The following UNC13C variants were observed in gnomAD, a reference collection of about 807,000 sequenced individuals.
UNC13C encodes the protein protein unc-13 homolog C.
Under a neutral mutation model 245.4 loss-of-function variants are expected in UNC13C, and 174 were observed. The ratio of observed to expected loss-of-function variants is 0.71; its 90% CI spans 0.63 to 0.80. The LOEUF is 0.80. Ranked by LOEUF, UNC13C falls within the 30% of genes least tolerant of loss-of-function variation. The pLI is 0.00. For missense variants in UNC13C, 2,829 were observed against 2,602.9 expected (o/e 1.09, Z -1.89); for synonymous variants, 992 against 895.1 (o/e 1.11, Z -1.93).
Position 54,118,756 on chromosome 15 carries a change from C to T in UNC13C, c.2984-24262C>T, listed in dbSNP as rs544266620. Among the ~76,000 whole-genome samples, 320 of 152,024 alleles carry T rather than the reference C, an allele frequency of 2.1e-3. 2 individuals carry two copies. Among genetic ancestry groups the T allele is most frequent in the Non-Finnish European group, 3.9e-3 (264 of 67,954 alleles). On this transcript the variant is annotated intron_variant, in intron 2 of 32. Coordinates refer to ENST00000260323, the MANE Select transcript of UNC13C (RefSeq NM_001080534.3). ...GAAACGCTTTTAATTTTTCCCTGTT[C>T]TGTATGTTAGCTATGTGTTTGTCAT... is the stretch of plus-strand genomic sequence containing the variant.
At chr15:54,058,935 T>C (rs1897669280) in intron 2 of UNC13C, among the ~76,000 whole-genome samples, 1 of 152,124 alleles carries the variant, frequency 6.6e-6, no homozygotes, top group East Asian at 1.9e-4. Flanking sequence ...AAACTCTCAA[T>C]AAATTAGGTA....
chr15:54,391,245 A>T (rs1439156877), intron 17 of UNC13C, among the ~76,000 whole-genome samples: 1 of 152,090 alleles, frequency 6.6e-6, no homozygotes, highest in African/African-American at 2.4e-5. Context: ...ATAATTAATG[A>T]TAGTGTTCTA....
the UNC13C span, among the ~76,000 whole-genome samples, chr15:53,936,877 G>A: frequency 2.0e-5 from 3 of 152,262 alleles, no homozygotes; most frequent in East Asian, 1.9e-4. Context: ...CCCATTCTGT[G>A]GTCAGCAACC....
At chr15:54,209,164 G>A (rs988067947) in intron 4 of UNC13C, among the ~76,000 whole-genome samples, 22 of 152,116 alleles carry the variant, frequency 1.4e-4, no homozygotes, top group Non-Finnish European at 2.6e-4. Context: ...AAGCACCTGA[G>A]GAGGGAGGAT....
chr15:54,070,279 C>A (rs1453322896), intron 2 of UNC13C, among the ~76,000 whole-genome samples: 2 of 152,146 alleles, frequency 1.3e-5, no homozygotes, highest in Non-Finnish European at 2.9e-5. Flanking sequence ...TTCAGAAATA[C>A]TTCATCACCC....
intron 24 of UNC13C, among the ~76,000 whole-genome samples, chr15:54,512,881 C>T (rs950052924): frequency 6.6e-6 from 1 of 152,134 alleles, no homozygotes; most frequent in Non-Finnish European, 1.5e-5. Context: ...TTTTACACTT[C>T]TCCAATGTCT....
chr15:54,410,890 A>G (rs960919314), intron 18 of UNC13C, among the ~76,000 whole-genome samples: 5 of 152,114 alleles, frequency 3.3e-5, no homozygotes, highest in Admixed American at 1.3e-4. Flanking sequence ...AATTCTATAA[A>G]AATGTCATTT....
intron 2 of UNC13C, among the ~76,000 whole-genome samples, chr15:54,136,113 C>T (rs1000572650): frequency 2.0e-5 from 3 of 152,058 alleles, no homozygotes; most frequent in Admixed American, 6.6e-5. Context: ...AAGTATTTAA[C>T]ATTTTGATAT....
chr15:53,940,635 C>T, the UNC13C span, among the ~76,000 whole-genome samples: 5 of 152,132 alleles, frequency 3.3e-5, no homozygotes, highest in Admixed American at 6.5e-5. Context: ...GATATGAAAT[C>T]GATGTGCAGA....
At chr15:54,280,727 TATGTATACATACATATATACATATATAC>T (rs1567156834) in intron 10 of UNC13C, among the ~76,000 whole-genome samples, 4,890 of 114,678 alleles carry the variant, frequency 0.043, 277 homozygotes, top group African/African-American at 0.14. Context: ...TATATAAACA[TATGTATACATACATATATACATATATAC>T]ACATACATAC....
chr15:54,289,684 A>T (rs138326436), intron 10 of UNC13C, among the ~76,000 whole-genome samples: 1 of 152,230 alleles, frequency 6.6e-6, no homozygotes, highest in East Asian at 1.9e-4. Context: ...CTGTGTGGGA[A>T]CTGGGTCAAA....
chr15:54,261,568 A>G (rs908913113), intron 8 of UNC13C, among the ~76,000 whole-genome samples: 13 of 147,168 alleles, frequency 8.8e-5, no homozygotes, highest in African/African-American at 2.8e-4. Flanking sequence ...TTTGAGACGG[A>G]GTCTCGCTCT....
At chr15:54,422,761 A>T (rs1398661203) in intron 19 of UNC13C, among the ~76,000 whole-genome samples, 2 of 151,798 alleles carry the variant, frequency 1.3e-5, no homozygotes, top group Non-Finnish European at 2.9e-5. Context: ...CCCATCCCTC[A>T]GAACACTCCC....
chr15:54,510,083 A>G (rs1228263087), intron 23 of UNC13C, among the ~76,000 whole-genome samples: 8 of 152,178 alleles, frequency 5.3e-5, no homozygotes, highest in African/African-American at 1.9e-4. Flanking sequence ...GGGTCCTGTT[A>G]CATGTGACAA....
At chr15:54,388,307 C>T (rs906498603) in intron 17 of UNC13C, among the ~76,000 whole-genome samples, 1 of 152,062 alleles carries the variant, frequency 6.6e-6, no homozygotes, top group African/African-American at 2.4e-5. Context: ...GCTCCGGAAG[C>T]ACATCCAACA....
At chr15:54,206,893 T>C (rs149987607) in intron 4 of UNC13C, among the ~76,000 whole-genome samples, 223 of 152,178 alleles carry the variant, frequency 1.5e-3, no homozygotes, top group African/African-American at 5.2e-3. Context: ...ATGTCAGATG[T>C]CTATAACTTT....
intron 26 of UNC13C, among the ~76,000 whole-genome samples, chr15:54,542,079 C>G (rs756633643): frequency 3.3e-5 from 5 of 152,054 alleles, no homozygotes; most frequent in African/African-American, 7.2e-5. Flanking sequence ...GTCCTTTTCT[C>G]AACTGTCATG....
chr15:53,925,301 T>G, the UNC13C span, among the ~76,000 whole-genome samples: 1 of 152,308 alleles, frequency 6.6e-6, no homozygotes, highest in Non-Finnish European at 1.5e-5. Context: ...TGTTATAAAA[T>G]TTAAATGCTA....
chr15:54,514,287 A>AG (rs2141120898), intron 24 of UNC13C, among the ~76,000 whole-genome samples: 1 of 152,338 alleles, frequency 6.6e-6, no homozygotes, highest in South Asian at 2.1e-4. Context: ...AGACATGTTC[A>AG]GGGGCCTTTA....
Sources: gnomAD v4.1 joint callset for allele counts (sites outside exome capture counted in the v4.1 genomes callset) on GRCh38, gnomAD v4.1.1 for gene constraint, MANE v1.5 for transcripts, NCBI Gene and HGNC (gene_info 2026-07-23, HGNC 2026-07-21) for gene names.